The following SPEN variants were observed in gnomAD, a reference collection of about 807,000 sequenced individuals.
SPEN encodes the protein msx2-interacting protein.
A neutral mutation model predicts 269.9 loss-of-function variants in SPEN; 18 were observed. The observed-to-expected ratio is 0.07, with a 90% CI of 0.05 to 0.10. The LOEUF (loss-of-function observed/expected upper bound fraction) is 0.10, where lower values mean the gene tolerates loss of function less well. SPEN is among the 10% of genes least tolerant of loss of function. The probability of loss-of-function intolerance (pLI) is 1.00; values close to 1 mark genes in which losing one functional copy is unlikely to be tolerated. For missense variants in SPEN, 3,822 were observed against 4,631.2 expected (o/e 0.83, Z 5.07); for synonymous variants, 1,726 against 1,765.7 (o/e 0.98, Z 0.56).
In SPEN at chr1:15,931,669, C is replaced by T; in HGVS notation, c.5429C>T (p.Pro1810Leu). The change falls in exon 11 of 15, where the codon CCA (proline) becomes CTA (leucine). Residue 1810 changes from proline to leucine, a missense_variant. By Grantham distance (98) the Pro-to-Leu change is moderately conservative (BLOSUM62 -3). Transcript: ENST00000375759. This position sits in a 1 kb window ranked among gnomAD's most constrained non-coding sequence, Gnocchi z 4.8. ...TCTGAAGATTTAGAGGTTGATCCTCCAGTTGCTGCAAAGGATAAAAAGCCA... is the reference window on the plus strand; with the variant it reads ...TCTGAAGATTTAGAGGTTGATCCTCTAGTTGCTGCAAAGGATAAAAAGCCA... ...PASEDLEVDP[P>L]VAAKDKKPNK... The T allele has an allele frequency of 1.2e-6, 2 of 1,614,192 alleles. No individual in the cohort carries two copies. Among genetic ancestry groups the T allele is most frequent in the Non-Finnish European group, 8.5e-7 (1 of 1,180,034 alleles).
intron 3 of SPEN, among the ~76,000 whole-genome samples, chr1:15,894,154 A>G (rs2070816168): frequency 6.6e-6 from 1 of 152,192 alleles, no homozygotes; most frequent in African/African-American, 2.4e-5. Context: ...TGCCTTCTGA[A>G]ACATTTTAGT....
Position 15,911,166 on chromosome 1 carries a change from A to G in SPEN, c.1108A>G (p.Ile370Val). ...ATTTGGAAAAGTAACTTCAGTGCAGATACATGGAACTTCAGAAGAGAGGTA... is the reference window on the plus strand; with the variant it reads ...ATTTGGAAAAGTAACTTCAGTGCAGGTACATGGAACTTCAGAAGAGAGGTA... The part of the protein sequence containing the change: ...KKFGKVTSVQ[I>V]HGTSEERYGL... Residue 370 changes from isoleucine to valine, a missense_variant, in exon 5 of 15, where the codon ATA becomes GTA. Ile to Val is a conservative substitution (Grantham distance 29). This residue lies in a region of SPEN where 230 missense variants were observed against 426.1 expected (regional missense o/e 0.54). Transcript: ENST00000375759. 6.2e-7 allele frequency: 1 copy of G among 1,614,176 alleles called. No individual in the cohort carries two copies. Among genetic ancestry groups the G allele is most frequent in the Non-Finnish European group, 8.5e-7 (1 of 1,180,036 alleles).
chr1:15,857,308 G>C (rs1192137326), intron 1 of SPEN, among the ~76,000 whole-genome samples: 1 of 151,970 alleles, frequency 6.6e-6, no homozygotes, highest in Non-Finnish European at 1.5e-5. Context: ...CAAGTGATCT[G>C]TCTGCCTCGG....
At chr1:15,904,479 T>TAAAAAAAAA (rs1557750239) in intron 3 of SPEN, among the ~76,000 whole-genome samples, 29 of 81,094 alleles carry the variant, frequency 3.6e-4, no homozygotes, top group Admixed American at 1.2e-3. Flanking sequence ...AAAAAAAAAG[T>TAAAAAAAAA]GAACTAAAAA....
At chr1:15,903,583 G>T (rs888412763) in intron 3 of SPEN, among the ~76,000 whole-genome samples, 1 of 152,036 alleles carries the variant, frequency 6.6e-6, no homozygotes, top group African/African-American at 2.4e-5. Context: ...GTCCTGTTGC[G>T]CAGGCTGGTC....
chr1:15,936,597 C>T (rs1469735163), intron 11 of SPEN, among the ~76,000 whole-genome samples: 2 of 148,238 alleles, frequency 1.3e-5, no homozygotes. Context: ...TGCATTGAAC[C>T]AAGGTCGTGC....
At chr1:15,855,855 T>A (rs1394091012) in intron 1 of SPEN, among the ~76,000 whole-genome samples, 1 of 150,510 alleles carries the variant, frequency 6.6e-6, no homozygotes, top group Non-Finnish European at 1.5e-5. Flanking sequence ...AGAGCAAGAC[T>A]CTGTCTCGAG....
intron 3 of SPEN, among the ~76,000 whole-genome samples, chr1:15,903,523 G>A (rs997165941): frequency 5.9e-5 from 9 of 152,132 alleles, no homozygotes; most frequent in African/African-American, 2.2e-4. Flanking sequence ...AGGGAGCTGG[G>A]ACCACAGGCG....
At chr1:15,877,661 G>C (rs1004504015) in intron 3 of SPEN, among the ~76,000 whole-genome samples, 3 of 151,154 alleles carry the variant, frequency 2.0e-5, no homozygotes, top group East Asian at 3.9e-4. Flanking sequence ...TGAAATCACA[G>C]ATCTGGGTAT....
chr1:15,905,811 G>T (rs2148726391), intron 3 of SPEN, among the ~76,000 whole-genome samples: 1 of 151,906 alleles, frequency 6.6e-6, no homozygotes, highest in African/African-American at 2.4e-5. Flanking sequence ...TTGACCTCGT[G>T]ATCTGCCTGC....
At position 15,872,992 on chromosome 1, in the gene SPEN, C is replaced by T; in HGVS notation, c.260C>T (p.Ala87Val). The change falls in exon 2 of 15, where the codon GCT (alanine) becomes GTT (valine). Residue 87 changes from alanine (A) to valine (V), a missense_variant. By Grantham distance (64) the Ala-to-Val change is moderately conservative. This residue lies in a region of SPEN where 327 missense variants were observed against 350.8 expected (regional missense o/e 0.93). Coordinates refer to ENST00000375759, the MANE Select transcript of SPEN (RefSeq NM_015001.3). ...DYNEPGTIPS[A>V]ARGLDDTVSI... ...AATGAACCAGGCACCATCCCGAGTG[C>T]TGCTCGGGGATTGGATGATACAGTT... 1 of 1,614,118 alleles carries T rather than the reference C, an allele frequency of 6.2e-7. No individual in the cohort carries two copies. Among genetic ancestry groups the T allele is most frequent in the Non-Finnish European group, 8.5e-7 (1 of 1,180,020 alleles).
At position 15,934,925 on chromosome 1, in the gene SPEN, C is replaced by T. The variant is rs2071259643; in HGVS notation, c.8685C>T (p.Ala2895=). The T allele has an allele frequency of 1.2e-6, 2 of 1,614,104 alleles. No individual in the cohort carries two copies. The highest frequency in any genetic ancestry group is 1.7e-6 in the Non-Finnish European group (2 of 1,180,018). ...TACTGACCGCCCAGACATATAATGC[C>T]TCTCCTGTGATTTCGTCTGTGAAGG... The part of the protein sequence containing the change: ...TLVLTAQTYN[A]SPVISSVKAD... The change falls in exon 11 of 15, where the codon GCC becomes GCT. Residue 2895 remains alanine, a synonymous_variant. Transcript: ENST00000375759. This position sits in a 1 kb window ranked among gnomAD's most constrained non-coding sequence, Gnocchi z 9.2.
chr1:15,936,302 G>A, intron 11 of SPEN, 36 bp downstream of exon 11: 1 of 1,508,288 alleles, frequency 6.6e-7, no homozygotes, highest in Non-Finnish European at 8.9e-7. Flanking sequence ...TGTCTGTTGG[G>A]CATGTGCTTG....
chr1:15,851,546 GAATA>G (rs1405579039), intron 1 of SPEN, among the ~76,000 whole-genome samples: 1 of 152,144 alleles, frequency 6.6e-6, no homozygotes, highest in African/African-American at 2.4e-5. Context: ...ATGAGCAAAT[GAATA>G]AAACCCTTAA....
In SPEN at chr1:15,928,481, G is replaced by A; in HGVS notation, c.2241G>A (p.Leu747=). 2 of 1,614,158 alleles carry A rather than the reference G, an allele frequency of 1.2e-6. No individual in the cohort carries two copies. Among genetic ancestry groups the A allele is most frequent in the Non-Finnish European group, 1.7e-6 (2 of 1,180,028 alleles). The stretch of plus-strand genomic sequence containing the variant: ...CGTCTCCCTCTCAGGCAGAGAGGTT[G>A]CCGAGTGATTCTGAGAGGAGGCTTT... The part of the protein sequence containing the change: ...PGASPSQAER[L]PSDSERRLYS... Residue 747 remains leucine, a synonymous_variant, in exon 11 of 15, where the codon TTG becomes TTA. Coordinates refer to ENST00000375759, the MANE Select transcript of SPEN (RefSeq NM_015001.3). The surrounding 1 kb of genome is among the most constrained non-coding windows in gnomAD (Gnocchi z 5.7).
At chr1:15,884,472 G>C (rs1437262308) in intron 3 of SPEN, among the ~76,000 whole-genome samples, 3 of 152,124 alleles carry the variant, frequency 2.0e-5, no homozygotes, top group Non-Finnish European at 2.9e-5. Context: ...GGCTATAAAG[G>C]TGAGGAAAAC....
intron 3 of SPEN, among the ~76,000 whole-genome samples, chr1:15,907,334 T>C (rs1024471586): frequency 6.6e-5 from 10 of 151,860 alleles, no homozygotes; most frequent in Admixed American, 3.9e-4. Context: ...ATATAAAAAA[T>C]AGCTGGGCAT....
chr1:15,878,560 A>C (rs937239345), intron 3 of SPEN, among the ~76,000 whole-genome samples: 9 of 152,232 alleles, frequency 5.9e-5, no homozygotes, highest in Non-Finnish European at 8.8e-5. Flanking sequence ...TGATTGATGA[A>C]ATTCATTTGA....
In SPEN at chr1:15,939,030, C is replaced by T. The variant is rs185236847; in HGVS notation, c.10863+154C>T. Among the ~76,000 whole-genome samples, 6 of 152,274 alleles carry T rather than the reference C, an allele frequency of 3.9e-5. No homozygotes were observed. In the East Asian group the frequency reaches 9.7e-4, roughly 24 times the overall value. On this transcript the variant is annotated intron_variant, in intron 14 of 14. Transcript: ENST00000375759. The surrounding 1 kb of genome is among the most constrained non-coding windows in gnomAD (Gnocchi z 4.1). ...AGTCAGTAGAGCACATGGGGCGGGGCGCCATCACCCATCCTGAAGAGAACC... is the reference window on the plus strand; with the variant it reads ...AGTCAGTAGAGCACATGGGGCGGGGTGCCATCACCCATCCTGAAGAGAACC...
Sources: gnomAD v4.1 joint callset for allele counts (sites outside exome capture counted in the v4.1 genomes callset) on GRCh38, gnomAD v4.1.1 for gene constraint, gnomAD v4.1.1 regional missense constraint, Gnocchi (gnomAD v3.1) non-coding constraint, MANE v1.5 for transcripts, NCBI Gene and HGNC (gene_info 2026-07-23, HGNC 2026-07-21) for gene names.